Variants in CLTC observed in about 807,000 individuals in gnomAD.
CLTC encodes the protein clathrin heavy chain.
A neutral mutation model predicts 195.8 loss-of-function variants in CLTC; 16 were observed. The observed-to-expected ratio is 0.08, with a 90% CI of 0.06 to 0.12. The LOEUF (loss-of-function observed/expected upper bound fraction) is 0.12, where lower values mean the gene tolerates loss of function less well. Ranked by LOEUF, CLTC falls within the 10% of genes least tolerant of loss-of-function variation. The pLI, the probability that CLTC is intolerant of heterozygous loss-of-function variation, is 1.00. For missense variants in CLTC, 796 were observed against 2,027.0 expected (o/e 0.39, Z 11.66); for synonymous variants, 667 against 689.4 (o/e 0.97, Z 0.51).
intron 1 of CLTC, among the ~76,000 whole-genome samples, chr17:59,642,070 C>T (rs1241844101): frequency 1.3e-5 from 2 of 148,566 alleles, no homozygotes; most frequent in Admixed American, 6.7e-5. Flanking sequence ...ACTGATGCAG[C>T]GTGTTTTTCT....
chr17:59,678,932 G>A (rs1436667483), intron 17 of CLTC, among the ~76,000 whole-genome samples: 1 of 152,152 alleles, frequency 6.6e-6, no homozygotes, highest in Non-Finnish European at 1.5e-5. Context: ...AGCCCAGGAG[G>A]TCAATGTTGC....
chr17:59,620,036 C>G lies in CLTC; in HGVS notation c.-96C>G. 1 of 1,097,380 alleles carries G rather than the reference C, an allele frequency of 9.1e-7. No homozygotes were observed. Among genetic ancestry groups the G allele is most frequent in the Admixed American group, 2.0e-5 (1 of 50,730 alleles). The allele number at this position is 1,097,380 out of a possible 1,614,324, so 68.0% of individuals were successfully genotyped here. A position where few individuals can be genotyped will look rare whatever the true frequency, so the allele number is the denominator to read the frequency against. On this transcript the variant is annotated 5_prime_UTR_variant, in exon 1 of 32. Transcript: ENST00000269122. ...GAGAGGATCCTGCTGAGCCCAGCCT[C>G]CCCCCTCCCCTTCTCCTCCTCTCCC...
At chr17:59,650,531 A>G (rs1480412446) in intron 4 of CLTC, among the ~76,000 whole-genome samples, 1 of 129,120 alleles carries the variant, frequency 7.7e-6, no homozygotes, top group East Asian at 2.2e-4. Context: ...TCTGTTGCCC[A>G]GGCTGGAATG....
Position 59,685,766 on chromosome 17 carries a change from C to A in CLTC, c.4785C>A (p.Ala1595=). The A allele has an allele frequency of 6.2e-7, 1 of 1,614,056 alleles. No individual in the cohort carries two copies. The highest frequency in any genetic ancestry group is 8.5e-7 in the Non-Finnish European group (1 of 1,179,950). Residue 1595 remains alanine, a synonymous_variant, in exon 30 of 32, where the codon GCC becomes GCA. Transcript: ENST00000269122. This position sits in a 1 kb window ranked among gnomAD's most constrained non-coding sequence, Gnocchi z 5.0. ...GGAGGCACAATATCATGGATTTTGC[C>A]ATGCCCTATTTCATCCAGGTCATGA... ...TAWRHNIMDF[A]MPYFIQVMKE... is the part of the protein sequence containing the mutation.
intron 1 of CLTC, among the ~76,000 whole-genome samples, chr17:59,636,812 G>A (rs2031872957): frequency 6.6e-6 from 1 of 152,062 alleles, no homozygotes; most frequent in South Asian, 2.1e-4. Context: ...GCCCAGGCTG[G>A]AGTGCAATGG....
chr17:59,686,674 A>T (rs891110800), intron 30 of CLTC, among the ~76,000 whole-genome samples: 1 of 152,210 alleles, frequency 6.6e-6, no homozygotes, highest in Non-Finnish European at 1.5e-5. Context: ...ATGTTGCCTT[A>T]TCTTAGCCAT....
chr17:59,667,649 C>G (rs530532373), intron 13 of CLTC, among the ~76,000 whole-genome samples: 15 of 152,176 alleles, frequency 9.9e-5, no homozygotes, highest in African/African-American at 2.9e-4. Context: ...TGTTCCTGTA[C>G]ATGTAGAATA....
At chr17:59,641,877 G>A (rs2032045841) in intron 1 of CLTC, among the ~76,000 whole-genome samples, 1 of 151,850 alleles carries the variant, frequency 6.6e-6, no homozygotes, top group African/African-American at 2.4e-5. Flanking sequence ...TTGCAGAGAT[G>A]GGGTCTCATT....
At chr17:59,653,484 C>T (rs1048704878) in intron 5 of CLTC, among the ~76,000 whole-genome samples, 19 of 151,926 alleles carry the variant, frequency 1.3e-4, no homozygotes, top group Non-Finnish European at 2.4e-4. Flanking sequence ...TGAGCCACCA[C>T]GCCCGGCCTC....
chr17:59,657,869 T>G (rs2032510449), intron 6 of CLTC, among the ~76,000 whole-genome samples: 1 of 149,360 alleles, frequency 6.7e-6, no homozygotes. Context: ...GCCAGGGGCT[T>G]TTTTTTTTAA....
rs180869357 is a variant in CLTC, at chr17:59,630,026, C to T, written c.42+9853C>T. Among the ~76,000 whole-genome samples, 350 of 151,864 alleles carry T rather than the reference C, an allele frequency of 2.3e-3. 2 individuals carry two copies. Among genetic ancestry groups the T allele is most frequent in the Non-Finnish European group, 4.0e-3 (271 of 67,868 alleles). ...ATTTTGTGTGTTTTGTTTTTTGAGA[C>T]AGGGTCTTGCTCTGTCTCAAGTGGA... On this transcript the variant is annotated intron_variant, in intron 1 of 31. Transcript: ENST00000269122.
Position 59,664,913 on chromosome 17 carries a change from A to G in CLTC, c.1644+4A>G. ...GCCTCTTGCTGACATCACACAGGTAATGTGATTAAAATATATTTTGTAGAA... is the reference window on the plus strand; with the variant it reads ...GCCTCTTGCTGACATCACACAGGTAGTGTGATTAAAATATATTTTGTAGAA... On this transcript the variant is annotated splice_donor_region_variant and intron_variant, in intron 10 of 31. Coordinates refer to ENST00000269122, the MANE Select transcript of CLTC (RefSeq NM_004859.4). The G allele has an allele frequency of 6.2e-7, 1 of 1,613,806 alleles. No individual in the cohort carries two copies. Among genetic ancestry groups the G allele is most frequent in the South Asian group, 1.1e-5 (1 of 91,080 alleles).
Position 59,674,796 on chromosome 17 carries a change from T to C in CLTC, c.2514T>C (p.Gly838=), listed in dbSNP as rs139004755. ...AAAACTTGATTCTTGTTGTAAGAGG[T>C]CAATTCTCTACTGATGAGCTTGTTG... ...VIKNLILVVR[G]QFSTDELVAE... Residue 838 remains glycine, a synonymous_variant, in exon 16 of 32, where the codon GGT becomes GGC. Transcript: ENST00000269122. 30 of 1,613,454 alleles carry C rather than the reference T, an allele frequency of 1.9e-5. No individual in the cohort carries two copies. The highest frequency in any genetic ancestry group is 2.2e-5 in the Non-Finnish European group (26 of 1,179,704).
rs2032731181 is a variant in CLTC at position 59,666,317 on chromosome 17, C to T, written c.1782+77C>T. 6.4e-7 allele frequency: 1 copy of T among 1,558,252 alleles called. No homozygotes were observed. The highest frequency in any genetic ancestry group is 1.4e-5 in the African/African-American group (1 of 73,482). ...GTGCAGCGCCTCTCAGATTGTTATG[C>T]AAAGCTACTGAGGGGCCTACTCCTT... On this transcript the variant is annotated intron_variant, in intron 11 of 31. Coordinates refer to ENST00000269122, the MANE Select transcript of CLTC (RefSeq NM_004859.4). The surrounding 1 kb of genome is among the most constrained non-coding windows in gnomAD (Gnocchi z 4.9).
At chr17:59,650,861 G>A (rs974076030) in intron 4 of CLTC, among the ~76,000 whole-genome samples, 3 of 151,992 alleles carry the variant, frequency 2.0e-5, no homozygotes, top group Non-Finnish European at 2.9e-5. Context: ...TGACTGTAGC[G>A]TCACACCCAC....
intron 14 of CLTC, among the ~76,000 whole-genome samples, chr17:59,672,173 AT>A (rs2032861963): frequency 6.6e-6 from 1 of 152,182 alleles, no homozygotes; most frequent in South Asian, 2.1e-4. Flanking sequence ...TTAGTAAGTA[AT>A]TTAATATTAT....
At position 59,666,271 on chromosome 17, in the gene CLTC, T is replaced by G; in HGVS notation, c.1782+31T>G. 1 of 1,606,508 alleles carries G rather than the reference T, an allele frequency of 6.2e-7. No individual in the cohort carries two copies. The highest frequency in any genetic ancestry group is 8.5e-7 in the Non-Finnish European group (1 of 1,173,558). ...TGTTTTAATGCTTTTTAGGCATGTT[T>G]CCAACATTGTTTTAGTAATTGTGCA... On this transcript the variant is annotated intron_variant, in intron 11 of 31. Coordinates refer to ENST00000269122, the MANE Select transcript of CLTC (RefSeq NM_004859.4). The surrounding 1 kb of genome is among the most constrained non-coding windows in gnomAD (Gnocchi z 4.9).
chr17:59,685,305 A>T lies in CLTC; in HGVS notation c.4605+79A>T. The T allele has an allele frequency of 1.5e-6, 2 of 1,356,284 alleles. No individual in the cohort carries two copies. Among genetic ancestry groups the T allele is most frequent in the Non-Finnish European group, 2.0e-6 (2 of 1,009,264 alleles). 84.0% of individuals were successfully genotyped at this position (1,356,284 alleles called of 1,614,324 possible). On this transcript the variant is annotated intron_variant, in intron 29 of 31. Transcript: ENST00000269122. This position sits in a 1 kb window ranked among gnomAD's most constrained non-coding sequence, Gnocchi z 5.0. ...ACAAGTGATTATAATCTATAAATAA[A>T]AGTATTGGTTTTGTGAATATGAGAG...
At chr17:59,656,238 A>G (rs2032461871) in intron 6 of CLTC, 2 of 430,798 alleles carry the variant, frequency 4.6e-6, no homozygotes, top group Admixed American at 4.4e-5. Flanking sequence ...AGAAAATAAT[A>G]TATACCTAAA....
Sources: allele counts gnomAD v4.1 joint callset (sites outside exome capture counted in the v4.1 genomes callset), GRCh38; gene constraint gnomAD v4.1.1; non-coding constraint Gnocchi (gnomAD v3.1); transcripts MANE v1.5; gene names NCBI Gene and HGNC (gene_info 2026-07-23, HGNC 2026-07-21).